The following ALOX12B variants were observed in gnomAD, a reference collection of about 807,000 sequenced individuals.
The protein encoded by ALOX12B is arachidonate 12-lipoxygenase, 12R-type.
A neutral mutation model predicts 78.9 loss-of-function variants in ALOX12B; 47 were observed. That is an observed-to-expected ratio of 0.60 (90% CI 0.47 to 0.76). ALOX12B has a LOEUF of 0.76. Ranked by LOEUF, ALOX12B falls within the 30% of genes least tolerant of loss-of-function variation. ALOX12B has a pLI of 0.00. For synonymous variants in ALOX12B, 370 were observed against 374.5 expected (o/e 0.99, Z 0.14); for missense variants, 805 against 922.6 (o/e 0.87, Z 1.65).
rs769547591 is a variant in ALOX12B, at chr17:8,075,562, T to G, written c.1654+33A>C. 1.3e-5 allele frequency: 21 copies of G among 1,613,210 alleles called. No individual in the cohort carries two copies. The East Asian group carries it at 4.5e-4, about 34-fold the overall frequency. ...CTGGGGGCTGCCCCTCAGTCCCAGC[T>G]CCCCCTGATTGCCCAGGTGTCCAGG... On this transcript the variant is annotated intron_variant, in intron 12 of 14. Transcript: ENST00000647874.
intron 2 of ALOX12B, among the ~76,000 whole-genome samples, chr17:8,084,364 G>T (rs1218772619): frequency 6.6e-6 from 1 of 152,220 alleles, no homozygotes; most frequent in African/African-American, 2.4e-5. Context: ...TATTCTGGAT[G>T]AACAGTGCTC....
At chr17:8,077,303 A>G (rs1346887698) in intron 8 of ALOX12B, 110 bp from the exon 9 acceptor site, 2 of 1,124,298 alleles carry the variant, frequency 1.8e-6, no homozygotes, top group South Asian at 2.8e-5. Context: ...AAACACTCCT[A>G]AGCTCCGGTC....
At chr17:8,086,314 G>A in intron 1 of ALOX12B, 94 bp from the exon 2 acceptor site, 1 of 1,230,118 alleles carries the variant, frequency 8.1e-7, no homozygotes, top group Non-Finnish European at 1.2e-6. Context: ...CCCTGCTCAT[G>A]CTGCGCAATG....
Position 8,076,703 on chromosome 17 carries a change from C to T in ALOX12B, c.1316G>A (p.Ser439Asn). ...PHTRYTVQIN[S>N]IGRAVLLNEG... is the part of the protein sequence containing the mutation. ...ATTGAGGAGAACGGCCCGGCCAATG[C>T]TGTTGATCTGGACGGTGTATCGGGT... Residue 439 changes from serine to asparagine, a missense_variant, in exon 10 of 15, where the codon AGC becomes AAC. Ser to Asn is a conservative substitution (Grantham distance 46, BLOSUM62 1). Transcript: ENST00000647874. The T allele has an allele frequency of 1.9e-6, 3 of 1,551,100 alleles. No homozygotes were observed. Among genetic ancestry groups the T allele is most frequent in the Non-Finnish European group, 1.7e-6 (2 of 1,147,110 alleles).
intron 14 of ALOX12B, 95 bp from the exon 15 acceptor site, chr17:8,073,045 G>A (rs1427132327): frequency 2.7e-5 from 43 of 1,598,614 alleles, no homozygotes; most frequent in Middle Eastern, 2.0e-4. Flanking sequence ...GGTTTCAGTG[G>A]CCTCTCACTC....
rs1391766819 is a variant in ALOX12B at position 8,079,702 on chromosome 17, G to C, written c.927+67C>G. ...GACTGGCGCGGGCGCCGGAGGTGGG[G>C]AGAGACGGGGATGCCCGCGAGGGAG... is the stretch of plus-strand genomic sequence containing the variant. On this transcript the variant is annotated intron_variant, in intron 7 of 14. Coordinates refer to ENST00000647874, the MANE Select transcript of ALOX12B (RefSeq NM_001139.3). The surrounding 1 kb of genome is among the most constrained non-coding windows in gnomAD (Gnocchi z 6.4). 13 of 1,563,968 alleles carry C rather than the reference G, an allele frequency of 8.3e-6. No homozygotes were observed. In the East Asian group the frequency reaches 2.9e-4, roughly 35 times the overall value.
rs771155365 is a variant in ALOX12B at position 8,080,147 on chromosome 17, G to A, written c.754+88C>T. 2.2e-5 allele frequency: 33 copies of A among 1,514,176 alleles called. No homozygotes were observed. Among genetic ancestry groups the A allele is most frequent in the Non-Finnish European group, 2.9e-5 (32 of 1,089,944 alleles). The allele number at this position is 1,514,176 out of a possible 1,614,324, so 93.8% of individuals were successfully genotyped here. On this transcript the variant is annotated intron_variant, in intron 6 of 14. Transcript: ENST00000647874. The surrounding 1 kb of genome is among the most constrained non-coding windows in gnomAD (Gnocchi z 4.8). The stretch of plus-strand genomic sequence containing the variant: ...GCGCGCGCGCCTCGCTGCCTCTCCC[G>A]TCCCACTGCCCCGAAGTCGGGGGCC...
At chr17:8,086,264 C>T (rs201739154) in intron 1 of ALOX12B, 44 bp from the exon 2 acceptor site, 59 of 1,597,544 alleles carry the variant, frequency 3.7e-5, no homozygotes, top group Middle Eastern at 1.8e-4. Context: ...GACTTCACCC[C>T]GGCTCCCAGG....
chr17:8,087,107 C>T (rs543701436), intron 1 of ALOX12B, among the ~76,000 whole-genome samples, 189 bp downstream of exon 1: 1 of 152,156 alleles, frequency 6.6e-6, no homozygotes, highest in Non-Finnish European at 1.5e-5. Flanking sequence ...CACTGGGGAG[C>T]CCACTGCCTT....
rs758779735 is a variant in ALOX12B, at chr17:8,080,311, C to A, written c.678G>T (p.Leu226=). ...PMALAFKVRG[L]LDCKHSWKRL... ...TCTTCCACGAATGTTTGCAGTCCAA[C>A]AGGCCGCGGACTTTGAAAGCCAGTG... Residue 226 remains leucine, a synonymous_variant, in exon 6 of 15, where the codon CTG becomes CTT. Coordinates refer to ENST00000647874, the MANE Select transcript of ALOX12B (RefSeq NM_001139.3). The surrounding 1 kb of genome is among the most constrained non-coding windows in gnomAD (Gnocchi z 4.8). 2 of 1,614,238 alleles carry A rather than the reference C, an allele frequency of 1.2e-6. No individual in the cohort carries two copies. Among genetic ancestry groups the A allele is most frequent in the South Asian group, 2.2e-5 (2 of 91,092 alleles).
At position 8,080,990 on chromosome 17, in the gene ALOX12B, C is replaced by T. The variant is rs117479664; in HGVS notation, c.435-14G>A. 1.2e-4 allele frequency: 200 copies of T among 1,613,910 alleles called. No individual in the cohort carries two copies. The highest frequency in any genetic ancestry group is 1.6e-4 in the Non-Finnish European group (190 of 1,179,964). Reference sequence around the variant, plus strand: ...AAGACTCGCCAGCTGCAAGGGAAACCGAGATGTCACCCTCATGCCCGTGCA... The same window carrying T: ...AAGACTCGCCAGCTGCAAGGGAAACTGAGATGTCACCCTCATGCCCGTGCA... On this transcript the variant is annotated splice_polypyrimidine_tract_variant and intron_variant, in intron 3 of 14. Coordinates refer to ENST00000647874, the MANE Select transcript of ALOX12B (RefSeq NM_001139.3). The surrounding 1 kb of genome is among the most constrained non-coding windows in gnomAD (Gnocchi z 4.8).
Position 8,081,200 on chromosome 17 carries a change from C to A in ALOX12B, c.353-13G>T. ...GCTGTTGTCTTTCCTGTAGGGAGAC[C>A]AAGGAGAGGACTCAAGGGCTGACCC... On this transcript the variant is annotated splice_polypyrimidine_tract_variant and intron_variant, in intron 2 of 14. Transcript: ENST00000647874. 6.2e-7 allele frequency: 1 copy of A among 1,613,216 alleles called. No individual in the cohort carries two copies. Among genetic ancestry groups the A allele is most frequent in the Middle Eastern group, 1.7e-4 (1 of 6,060 alleles).
At chr17:8,075,843 G>T in intron 11 of ALOX12B, 127 bp from the exon 12 acceptor site, 4 of 1,491,478 alleles carry the variant, frequency 2.7e-6, no homozygotes, top group Non-Finnish European at 3.7e-6. Context: ...CTGTGGGAGG[G>T]CAAGTCCTGT....
intron 1 of ALOX12B, 37 bp downstream of exon 1, chr17:8,087,259 G>GACACACACACACACACACACAGACAC: frequency 9.4e-7 from 1 of 1,069,364 alleles, no homozygotes; most frequent in South Asian, 1.4e-5. Context: ...CACACACACA[G>GACACACACACACACACACACAGACAC]ACACACACAC....
chr17:8,081,834 G>T (rs1202245183), intron 2 of ALOX12B, among the ~76,000 whole-genome samples: 1 of 152,094 alleles, frequency 6.6e-6, no homozygotes, highest in Non-Finnish European at 1.5e-5. Flanking sequence ...GTAGACACGT[G>T]GTTTCGCCAT....
rs759751280 is a variant in ALOX12B at position 8,087,419 on chromosome 17, C to T, written c.24G>A (p.Val8=). The T allele has an allele frequency of 6.2e-7, 1 of 1,614,248 alleles. No homozygotes were observed. The highest frequency in any genetic ancestry group is 8.5e-7 in the Non-Finnish European group (1 of 1,180,046). MATYKVR[V]ATGTDLLSGT... The stretch of plus-strand genomic sequence containing the variant: ...CCGACAAGAGGTCGGTGCCTGTGGC[C>T]ACCCTGACTTTGTAGGTGGCCATGG... Residue 8 remains valine, a synonymous_variant, in exon 1 of 15, where the codon GTG becomes GTA. Coordinates refer to ENST00000647874, the MANE Select transcript of ALOX12B (RefSeq NM_001139.3).
Position 8,086,154 on chromosome 17 carries a change from C to T in ALOX12B, c.214G>A (p.Glu72Lys), listed in dbSNP as rs527442532. The T allele has an allele frequency of 6.8e-6, 11 of 1,614,160 alleles. No homozygotes were observed. The Admixed American group carries it at 1.5e-4, about 22-fold the overall frequency. Residue 72 changes from glutamate to lysine, a missense_variant, in exon 2 of 15, where the codon GAG becomes AAG. Transcript: ENST00000647874. Reference protein sequence around the residue: ...GELIIIRLHKERYAFFPKDPW... With the variant: ...GELIIIRLHKKRYAFFPKDPW... ...TCCTTGGGGAAGAAGGCGTACCGCT[C>T]TTTGTGCAGGCGGATGATGATGAGC... is the stretch of plus-strand genomic sequence containing the variant.
rs758418922 is a variant in ALOX12B, at chr17:8,072,970, C to G, written c.1927-20G>C. On this transcript the variant is annotated intron_variant, in intron 14 of 14. Coordinates refer to ENST00000647874, the MANE Select transcript of ALOX12B (RefSeq NM_001139.3). The stretch of plus-strand genomic sequence containing the variant: ...GGGCCGCTGCGGGCAGAGAGCTCGA[C>G]AGCTGGGACCAGGGCCGGCCAGCAC... 6.2e-7 allele frequency: 1 copy of G among 1,607,168 alleles called. No individual in the cohort carries two copies. The highest frequency in any genetic ancestry group is 8.5e-7 in the Non-Finnish European group (1 of 1,176,372).
intron 2 of ALOX12B, 62 bp downstream of exon 2, chr17:8,085,954 G>A: frequency 3.1e-6 from 5 of 1,587,912 alleles, no homozygotes; most frequent in East Asian, 4.5e-5. Context: ...GCCATGCCAG[G>A]GTAGCAGGCT....
Sources: allele counts gnomAD v4.1 joint callset (sites outside exome capture counted in the v4.1 genomes callset), GRCh38; gene constraint gnomAD v4.1.1; non-coding constraint Gnocchi (gnomAD v3.1); transcripts MANE v1.5; gene names NCBI Gene and HGNC (gene_info 2026-07-23, HGNC 2026-07-21).